Variants in ERAP1 observed in about 807,000 individuals in gnomAD.
The protein encoded by ERAP1 is adipocyte-derived leucine aminopeptidase.
Under a neutral mutation model 103.7 loss-of-function variants are expected in ERAP1, and 86 were observed. That is an observed-to-expected ratio of 0.83 (90% CI 0.70 to 0.99). The LOEUF is 0.99. Ranked by LOEUF, ERAP1 falls within the 50% of genes least tolerant of loss-of-function variation. The pLI is 0.00. For synonymous variants in ERAP1, 398 were observed against 402.4 expected (o/e 0.99, Z 0.13); for missense variants, 1,009 against 1,128.4 (o/e 0.89, Z 1.52).
At chr5:96,931,273 C>T in the ERAP1 span, among the ~76,000 whole-genome samples, 1 of 151,850 alleles carries the variant, frequency 6.6e-6, no homozygotes, top group African/African-American at 2.4e-5. Context: ...CCTCCCACCT[C>T]AGCCTCCTGA....
intron 1 of ERAP1, among the ~76,000 whole-genome samples, chr5:96,806,711 C>G (rs946652925): frequency 1.0e-4 from 15 of 148,164 alleles, no homozygotes; most frequent in Non-Finnish European, 5.9e-5. Flanking sequence ...CTCACTGCAA[C>G]CTCTGCCTCC....
intron 19 of ERAP1, chr5:96,765,223 G>A (rs1256147577): frequency 6.3e-7 from 1 of 1,582,080 alleles, no homozygotes; most frequent in Non-Finnish European, 8.7e-7. Context: ...CTTTTCAGCA[G>A]AGTGACAAAG....
At chr5:96,842,302 C>CA in the ERAP1 span, among the ~76,000 whole-genome samples, 1 of 152,136 alleles carries the variant, frequency 6.6e-6, no homozygotes, top group Non-Finnish European at 1.5e-5. Flanking sequence ...AATAGGTACC[C>CA]AGTAGTAGGA....
chr5:96,887,090 T>C, the ERAP1 span, among the ~76,000 whole-genome samples: 12 of 96,362 alleles, frequency 1.2e-4, no homozygotes, highest in Non-Finnish European at 2.3e-4. Context: ...TATATATATA[T>C]ATATATATAT....
the ERAP1 span, chr5:96,892,447 G>A: frequency 3.7e-5 from 60 of 1,613,628 alleles, no homozygotes; most frequent in Admixed American, 3.3e-5. Context: ...ATGAACTGGC[G>A]CACCAGGTAC....
At chr5:96,916,488 G>GTCT in the ERAP1 span, among the ~76,000 whole-genome samples, 1 of 117,874 alleles carries the variant, frequency 8.5e-6, no homozygotes, top group Non-Finnish European at 1.7e-5. Context: ...TTGAGGCGGA[G>GTCT]TCTTGCTCTG....
rs745944184 is a variant in ERAP1, at chr5:96,800,893, G to C, written c.632C>G (p.Pro211Arg). Residue 211 changes from proline (P) to arginine (R), a missense_variant, in exon 3 of 19, where the codon CCA (proline) becomes CGA (arginine). Around this residue, in one of 3 missense-constraint regions of ERAP1, gnomAD observed 392 missense variants for 455.2 expected, o/e 0.86. Transcript: ENST00000443439. ...CATATTGGAGATGGCTAGGTGCCTT[G>C]GCTCTCTTCTAATTTTGATTGAGAA... ...ASFSIKIRRE[P>R]RHLAISNMPL... 17 of 1,614,108 alleles carry C rather than the reference G, an allele frequency of 1.1e-5. No homozygotes were observed. The Admixed American group carries it at 1.8e-4, about 17-fold the overall frequency.
intron 19 of ERAP1, chr5:96,765,170 C>A: frequency 9.4e-7 from 1 of 1,063,874 alleles, no homozygotes; most frequent in Non-Finnish European, 1.4e-6. Context: ...TAATTTGCCT[C>A]TGATACAGTT....
the ERAP1 span, chr5:96,895,153 A>G: frequency 1.6e-6 from 1 of 644,146 alleles, no homozygotes; most frequent in Non-Finnish European, 2.5e-6. Flanking sequence ...ATCCTAACTA[A>G]TAAAAAAAAA....
At chr5:96,916,456 C>CTTTTTTTTT in the ERAP1 span, among the ~76,000 whole-genome samples, 4 of 97,640 alleles carry the variant, frequency 4.1e-5, no homozygotes, top group African/African-American at 4.3e-5. Context: ...TTCTAGTTAT[C>CTTTTTTTTT]TTTTTTTTTT....
At chr5:96,893,502 T>G in the ERAP1 span, among the ~76,000 whole-genome samples, 1 of 152,208 alleles carries the variant, frequency 6.6e-6, no homozygotes, top group African/African-American at 2.4e-5. Context: ...TTAGGTGTTT[T>G]GATCATGAGT....
At position 96,797,247 on chromosome 5, in the gene ERAP1, C is replaced by T; in HGVS notation, c.726G>A (p.Met242Ile). Reference protein sequence around the residue: ...IEDHFDVTVKMSTYLVAFIIS... With the variant: ...IEDHFDVTVKISTYLVAFIIS... ...TGATGAAGGCCACCAGATAGGTGCT[C>T]ATCTTCACAGTGACATCAAAATGGT... The change falls in exon 4 of 19, where the codon ATG (methionine) becomes ATA (isoleucine). Residue 242 changes from methionine to isoleucine, a missense_variant. By Grantham distance (10) the Met-to-Ile change is conservative (BLOSUM62 1). This residue lies in a region of ERAP1 where 392 missense variants were observed against 455.2 expected (regional missense o/e 0.86). Coordinates refer to ENST00000443439, the MANE Select transcript of ERAP1 (RefSeq NM_001040458.3). The T allele has an allele frequency of 4.3e-6, 7 of 1,614,142 alleles. No homozygotes were observed. Among genetic ancestry groups the T allele is most frequent in the East Asian group, 2.2e-5 (1 of 44,878 alleles).
At chr5:96,819,403 C>A in the ERAP1 span, among the ~76,000 whole-genome samples, 1 of 151,978 alleles carries the variant, frequency 6.6e-6, no homozygotes, top group Non-Finnish European at 1.5e-5. Context: ...TGGTGAGTTC[C>A]AGCTATTTCA....
chr5:96,871,471 G>A, the ERAP1 span, among the ~76,000 whole-genome samples: 2,623 of 152,262 alleles, frequency 0.017, 80 homozygotes, highest in African/African-American at 0.06. Context: ...AAACATTACT[G>A]ATTTGGTTTA....
At chr5:96,767,896 T>C (rs1268944041) in intron 19 of ERAP1, 1 of 1,588,964 alleles carries the variant, frequency 6.3e-7, no homozygotes, top group Non-Finnish European at 8.6e-7. Context: ...TTATTTCTAC[T>C]CATATCTCAG....
Position 96,785,968 on chromosome 5 carries a change from A to C in ERAP1, c.1763T>G (p.Val588Gly), listed in dbSNP as rs114703312. ...HRFLLKTKTDVLILPEEVEWI... is the reference protein window; with the variant it reads ...HRFLLKTKTDGLILPEEVEWI... ...TTCCACCTCTTCTGGGAGGATGAGCACATCTAGAGTAAATAAAATAAATCA... is the reference window on the plus strand; with the variant it reads ...TTCCACCTCTTCTGGGAGGATGAGCCCATCTAGAGTAAATAAAATAAATCA... The change falls in exon 13 of 19, where the codon GTG (valine) becomes GGG (glycine). Residue 588 changes from valine to glycine, a missense_variant. Coordinates refer to ENST00000443439, the MANE Select transcript of ERAP1 (RefSeq NM_001040458.3). The C allele has an allele frequency of 1.5e-3, 2,347 of 1,613,984 alleles. 22 individuals are homozygous for C. The African/African-American group carries it at 0.028, about 19-fold the overall frequency.
Position 96,793,951 on chromosome 5 carries a change from G to A in ERAP1, c.926C>T (p.Ala309Val). 6.2e-7 allele frequency: 1 copy of A among 1,613,988 alleles called. No individual in the cohort carries two copies. The highest frequency in any genetic ancestry group is 8.5e-7 in the Non-Finnish European group (1 of 1,179,900). The change falls in exon 6 of 19, where the codon GCT becomes GTT. Residue 309 changes from alanine (A) to valine (V), a missense_variant. Physicochemically the swap from Ala to Val is moderately conservative, Grantham distance 64 (BLOSUM62 0). This residue lies in a region of ERAP1 where 392 missense variants were observed against 455.2 expected (regional missense o/e 0.86). Transcript: ENST00000443439. ...IPYPLPKQDL[A>V]AIPDFQSGAM... The stretch of plus-strand genomic sequence containing the variant: ...ACCAGACTGAAAGTCGGGAATAGCA[G>A]CAAGATCTTGGGAAGGAAGTAATAA...
the ERAP1 span, among the ~76,000 whole-genome samples, chr5:96,933,018 T>TC: frequency 6.6e-6 from 1 of 152,148 alleles, no homozygotes; most frequent in Non-Finnish European, 1.5e-5. Flanking sequence ...TAGGCGGGTG[T>TC]TAAAGATAAA....
At chr5:96,899,257 A>T in the ERAP1 span, among the ~76,000 whole-genome samples, 1 of 152,146 alleles carries the variant, frequency 6.6e-6, no homozygotes, top group African/African-American at 2.4e-5. Flanking sequence ...TTATTCAATT[A>T]TATCACAGCT....
Sources: allele counts gnomAD v4.1 joint callset (sites outside exome capture counted in the v4.1 genomes callset), GRCh38; gene constraint gnomAD v4.1.1; regional missense constraint gnomAD v4.1.1; transcripts MANE v1.5; gene names NCBI Gene and HGNC (gene_info 2026-07-23, HGNC 2026-07-21).